QSER1: variants seen among roughly 807,000 people sequenced by gnomAD.
QSER1 encodes glutamine and serine-rich protein 1.
Under a neutral mutation model 158.5 loss-of-function variants are expected in QSER1, and 49 were observed. The observed-to-expected ratio is 0.31, with a 90% CI of 0.25 to 0.39. The LOEUF (loss-of-function observed/expected upper bound fraction) is 0.39. QSER1 is among the 10% of genes least tolerant of loss of function. The pLI, the probability that QSER1 is intolerant of heterozygous loss-of-function variation, is 1.00. For missense variants in QSER1, 1,754 were observed against 2,010.3 expected, an observed-to-expected ratio of 0.87 and a Z score of 2.44; for synonymous variants, 650 against 715.5, an observed-to-expected ratio of 0.91 and a Z score of 1.46.
intron 1 of QSER1, among the ~76,000 whole-genome samples, chr11:32,908,733 A>G (rs1008813602): frequency 6.6e-5 from 10 of 152,242 alleles, no homozygotes; most frequent in Admixed American, 3.9e-4. Flanking sequence ...GGACATTTGC[A>G]TGTAACACTT....
intron 5 of QSER1, among the ~76,000 whole-genome samples, chr11:32,954,587 A>T (rs904308675): frequency 4.6e-5 from 7 of 152,226 alleles, no homozygotes; most frequent in Non-Finnish European, 7.4e-5. Flanking sequence ...TTGTATAACC[A>T]TGAAGAGAAT....
chr11:32,947,486 T>C (rs1852355527), intron 4 of QSER1, among the ~76,000 whole-genome samples: 1 of 152,200 alleles, frequency 6.6e-6, no homozygotes. Context: ...TATATGTGTG[T>C]ATATTTTGGA....
At chr11:32,975,487 G>T in intron 12 of QSER1, 144 bp downstream of exon 12, 1 of 1,499,048 alleles carries the variant, frequency 6.7e-7, no homozygotes. Context: ...ATAATGACTT[G>T]ATTTATTGTT....
At chr11:32,906,448 C>T (rs1851694262) in intron 1 of QSER1, among the ~76,000 whole-genome samples, 1 of 152,154 alleles carries the variant, frequency 6.6e-6, no homozygotes, top group Admixed American at 6.6e-5. Flanking sequence ...CTTACTCTGT[C>T]ATCCAGGCTA....
chr11:32,922,610 G>A (rs892385569), intron 1 of QSER1, among the ~76,000 whole-genome samples: 1 of 150,490 alleles, frequency 6.6e-6, no homozygotes, highest in Non-Finnish European at 1.5e-5. Context: ...TCAGCCTCCC[G>A]AGTAGCTAGA....
chr11:32,925,637 C>T (rs1484864055), intron 1 of QSER1, among the ~76,000 whole-genome samples: 2 of 151,896 alleles, frequency 1.3e-5, no homozygotes, highest in South Asian at 2.1e-4. Flanking sequence ...AAGTGATTCT[C>T]GTGCCTCAAC....
chr11:32,961,356 A>T (rs1327663334), intron 8 of QSER1, among the ~76,000 whole-genome samples: 1 of 152,164 alleles, frequency 6.6e-6, no homozygotes, highest in East Asian at 1.9e-4. Flanking sequence ...TTAACTTTAC[A>T]TATCTCTCAT....
At chr11:32,894,719 A>C (rs868292282) in intron 1 of QSER1, among the ~76,000 whole-genome samples, 28 of 152,246 alleles carry the variant, frequency 1.8e-4, no homozygotes, top group African/African-American at 6.0e-4. Context: ...TTTGTTTTCA[A>C]GACTTGGGAG....
Position 32,933,799 on chromosome 11 carries a change from A to T in QSER1, c.2541A>T (p.Ala847=). ...ATGCTTTAGGGCATGGCCATCAGGCATCTCTTCCTAATACACAGGTCCTTT... is the reference window on the plus strand; with the variant it reads ...ATGCTTTAGGGCATGGCCATCAGGCTTCTCTTCCTAATACACAGGTCCTTT... ...PNHALGHGHQ[A]SLPNTQVLLD... The change falls in exon 4 of 13, where the codon GCA becomes GCT. Residue 847 remains alanine (A), a synonymous_variant. Coordinates refer to ENST00000650167, the MANE Select transcript of QSER1 (RefSeq NM_001076786.3). The T allele has an allele frequency of 6.2e-7, 1 of 1,613,984 alleles. No homozygotes were observed. The highest frequency in any genetic ancestry group is 2.2e-5 in the East Asian group (1 of 44,888).
intron 1 of QSER1, among the ~76,000 whole-genome samples, chr11:32,894,674 T>C (rs12280263): frequency 0.055 from 8,370 of 152,284 alleles, 716 homozygotes; most frequent in African/African-American, 0.18. Flanking sequence ...GCTTCAAGAA[T>C]AGGAATATAA....
At chr11:32,901,565 C>T (rs1225153445) in intron 1 of QSER1, among the ~76,000 whole-genome samples, 1 of 152,218 alleles carries the variant, frequency 6.6e-6, no homozygotes, top group African/African-American at 2.4e-5. Context: ...ATGGAATCTG[C>T]TAGGCCAGTT....
At chr11:32,973,690 G>A (rs1852914958) in intron 11 of QSER1, 141 bp downstream of exon 11, 2 of 751,828 alleles carry the variant, frequency 2.7e-6, no homozygotes, top group Non-Finnish European at 4.2e-6. Flanking sequence ...AGCGTCACTG[G>A]CCTGAGGAAC....
chr11:32,954,230 G>A (rs1852474279), intron 5 of QSER1, 51 bp downstream of exon 5: 1 of 1,557,396 alleles, frequency 6.4e-7, no homozygotes, highest in Non-Finnish European at 8.7e-7. Context: ...TAGTGTGCCT[G>A]CGATAGCCTT....
intron 5 of QSER1, among the ~76,000 whole-genome samples, chr11:32,954,581 A>G (rs1473055213): frequency 1.3e-5 from 2 of 152,248 alleles, no homozygotes; most frequent in Non-Finnish European, 2.9e-5. Context: ...TTCAAGTTGT[A>G]TAACCATGAA....
chr11:32,940,847 G>C (rs992187334), intron 4 of QSER1, among the ~76,000 whole-genome samples: 1 of 151,700 alleles, frequency 6.6e-6, no homozygotes, highest in Admixed American at 6.6e-5. Flanking sequence ...CTAATAAATG[G>C]TTCTTTTTAA....
intron 1 of QSER1, among the ~76,000 whole-genome samples, chr11:32,907,907 T>C (rs538745293): frequency 3.9e-5 from 6 of 152,232 alleles, no homozygotes; most frequent in African/African-American, 9.6e-5. Flanking sequence ...TGAGACCAGC[T>C]TGGGCAACAT....
intron 1 of QSER1, among the ~76,000 whole-genome samples, chr11:32,921,548 A>C (rs1357430696): frequency 2.0e-5 from 3 of 152,232 alleles, no homozygotes; most frequent in African/African-American, 7.2e-5. Context: ...AGAACAGAAT[A>C]GCAAAAGACA....
intron 8 of QSER1, among the ~76,000 whole-genome samples, chr11:32,960,265 A>G (rs1430073085): frequency 2.6e-5 from 4 of 152,054 alleles, no homozygotes; most frequent in Admixed American, 2.6e-4. Flanking sequence ...GTTTAGAAAT[A>G]TATACATCAG....
rs565452837 is a variant in QSER1 at position 32,950,598 on chromosome 11, G to A, written c.4178-3259G>A. On this transcript the variant is annotated intron_variant, in intron 4 of 12. Coordinates refer to ENST00000650167, the MANE Select transcript of QSER1 (RefSeq NM_001076786.3). ...ATACAATAACATCCACCCATTTAAAGTGTACAGTTCAGTGGTTCATAGACT... is the reference window on the plus strand; with the variant it reads ...ATACAATAACATCCACCCATTTAAAATGTACAGTTCAGTGGTTCATAGACT... Among the ~76,000 whole-genome samples the A allele has an allele frequency of 2.6e-5, 4 of 152,248 alleles. No homozygotes were observed. The East Asian group carries it at 5.8e-4, about 22-fold the overall frequency.
Sources: allele counts gnomAD v4.1 joint callset (sites outside exome capture counted in the v4.1 genomes callset), GRCh38; gene constraint gnomAD v4.1.1; transcripts MANE v1.5; gene names NCBI Gene and HGNC (gene_info 2026-07-23, HGNC 2026-07-21).